The following FGFR3 variants were observed in gnomAD, a reference collection of about 807,000 sequenced individuals.
The protein encoded by FGFR3 is FGFR-3.
Under a neutral mutation model 82.9 loss-of-function variants are expected in FGFR3, and 25 were observed. The ratio of observed to expected loss-of-function variants is 0.30; its 90% CI spans 0.22 to 0.42. FGFR3 has a LOEUF of 0.42. Ranked by LOEUF, FGFR3 falls within the 10% of genes least tolerant of loss-of-function variation. FGFR3 has a pLI of 1.00. For missense variants in FGFR3, 1,026 were observed against 1,161.0 expected, an observed-to-expected ratio of 0.88 and a Z score of 1.69; for synonymous variants, 620 against 516.0, an observed-to-expected ratio of 1.20 and a Z score of -2.73.
chr4:1,807,151 C>A lies in FGFR3; in HGVS notation c.2310C>A (p.Tyr770Ter). 6.3e-7 allele frequency: 1 copy of A among 1,598,588 alleles called. No individual in the cohort carries two copies. Among genetic ancestry groups the A allele is most frequent in the Non-Finnish European group, 8.5e-7 (1 of 1,173,296 alleles). Residue 770 changes from tyrosine to a stop codon, truncating the protein, a stop_gained, in exon 18 of 18, where the codon TAC becomes TAA. Transcript: ENST00000440486. LOFTEE classifies it low-confidence loss of function (END_TRUNC). ...YLDLSAPFEQ[Y>*]SPGGQDTPSS... ...ACCTGTCGGCGCCTTTCGAGCAGTA[C>A]TCCCCGGGTGGCCAGGACACCCCCA...
At chr4:1,795,578 C>G (rs927445388) in intron 2 of FGFR3, among the ~76,000 whole-genome samples, 1 of 152,218 alleles carries the variant, frequency 6.6e-6, no homozygotes, top group African/African-American at 2.4e-5. Flanking sequence ...TCTAGGCTGG[C>G]GCTTGCCCGG....
At chr4:1,798,669 G>A (rs1440608319) in intron 2 of FGFR3, among the ~76,000 whole-genome samples, 2 of 152,080 alleles carry the variant, frequency 1.3e-5, no homozygotes, top group African/African-American at 4.8e-5. Context: ...TTCCCTGGCT[G>A]TCCATCTGAA....
intron 3 of FGFR3, 69 bp from the exon 4 acceptor site, chr4:1,799,678 T>C: frequency 1.3e-6 from 2 of 1,592,048 alleles, no homozygotes; most frequent in Non-Finnish European, 1.7e-6. Flanking sequence ...CCCTGCCCCA[T>C]CTGGGAGGGG....
chr4:1,797,386 G>A (rs1002780924), intron 2 of FGFR3, among the ~76,000 whole-genome samples: 10 of 152,256 alleles, frequency 6.6e-5, no homozygotes, highest in Admixed American at 1.3e-4. Context: ...TAGCAGGCAG[G>A]CAGTGGGGGG....
rs777159230 is a variant in FGFR3, at chr4:1,806,935, G to T, written c.2274+1G>T. ...TGTCCTTACCGTGACGTCCACCGACGTGAGTGCTGGCTCTGGCCTGGTGCC... is the reference window on the plus strand; with the variant it reads ...TGTCCTTACCGTGACGTCCACCGACTTGAGTGCTGGCTCTGGCCTGGTGCC... On this transcript the variant is annotated splice_donor_variant, in intron 17 of 17. Transcript: ENST00000440486. LOFTEE classifies it high-confidence loss of function. The T allele has an allele frequency of 3.1e-6, 5 of 1,599,908 alleles. No homozygotes were observed. Among genetic ancestry groups the T allele is most frequent in the Non-Finnish European group, 4.3e-6 (5 of 1,173,586 alleles).
At chr4:1,800,347 C>T (rs983990490) in intron 4 of FGFR3, among the ~76,000 whole-genome samples, 1 of 151,366 alleles carries the variant, frequency 6.6e-6, no homozygotes, top group Non-Finnish European at 1.5e-5. Context: ...TGGACTTTGC[C>T]AAGTTGTAGG....
In FGFR3 at chr4:1,806,530, T is replaced by C. The variant is rs1253341483; in HGVS notation, c.2031-16T>C. ...CTGGGAGTCTCAGGACAGCCTGACC[T>C]CACCTTCCCCTGCAGCTGGTCCTTT... is the stretch of plus-strand genomic sequence containing the variant. On this transcript the variant is annotated splice_polypyrimidine_tract_variant and intron_variant, in intron 15 of 17. Coordinates refer to ENST00000440486, the MANE Select transcript of FGFR3 (RefSeq NM_000142.5). 6.2e-7 allele frequency: 1 copy of C among 1,612,730 alleles called. No homozygotes were observed. Among genetic ancestry groups the C allele is most frequent in the South Asian group, 1.1e-5 (1 of 91,088 alleles).
intron 7 of FGFR3, among the ~76,000 whole-genome samples, chr4:1,803,433 G>A (rs868176426): frequency 1.1e-4 from 16 of 152,216 alleles, no homozygotes; most frequent in African/African-American, 1.7e-4. Context: ...CCGGCTCTGC[G>A]CTAACCCGCA....
At chr4:1,804,554 C>T (rs781490415) in intron 9 of FGFR3, 34 bp downstream of exon 9, 15 of 1,608,478 alleles carry the variant, frequency 9.3e-6, no homozygotes, top group Admixed American at 3.3e-5. Flanking sequence ...TCTGAGCTGC[C>T]TGCCCGCCAG....
Position 1,793,349 on chromosome 4 carries a change from G to C in FGFR3, c.-219G>C, listed in dbSNP as rs17880408. Reference sequence around the variant, plus strand: ...TGGCGCCGCGCGGTCCTGCTCTGCCGGTCGCACGGACGCACCGGCGGGCCG... The same window carrying C: ...TGGCGCCGCGCGGTCCTGCTCTGCCCGTCGCACGGACGCACCGGCGGGCCG... On this transcript the variant is annotated 5_prime_UTR_variant, in exon 1 of 18. Coordinates refer to ENST00000440486, the MANE Select transcript of FGFR3 (RefSeq NM_000142.5). The C allele has an allele frequency of 0.018, 2,723 of 148,156 alleles. 48 individuals carry two copies. The highest frequency in any genetic ancestry group is 0.031 in the Middle Eastern group (9 of 288). The allele number at this position is 148,156 out of a possible 1,614,324, so 9.2% of individuals were successfully genotyped here. A position where few individuals can be genotyped will look rare whatever the true frequency, so the allele number is the denominator to read the frequency against.
chr4:1,801,902 C>T lies in FGFR3; in HGVS notation c.807C>T (p.Ser269=), dbSNP rs199614237. The change falls in exon 7 of 18, where the codon AGC becomes AGT. Residue 269 remains serine (S), a synonymous_variant. Coordinates refer to ENST00000440486, the MANE Select transcript of FGFR3 (RefSeq NM_000142.5). Reference sequence around the variant, plus strand: ...CCAACCAGACGGCGGTGCTGGGCAGCGACGTGGAGTTCCACTGCAAGGTGT... The same window carrying T: ...CCAACCAGACGGCGGTGCTGGGCAGTGACGTGGAGTTCCACTGCAAGGTGT... ...LPANQTAVLG[S]DVEFHCKVYS... is the part of the protein sequence containing the mutation. 2.6e-4 allele frequency: 414 copies of T among 1,611,918 alleles called. No homozygotes were observed. The highest frequency in any genetic ancestry group is 3.3e-4 in the Non-Finnish European group (387 of 1,179,508).
At chr4:1,799,883 CAGGCAGCTGAGGGACTA>C in intron 4 of FGFR3, 71 bp downstream of exon 4, 1 of 1,559,134 alleles carries the variant, frequency 6.4e-7, no homozygotes, top group Non-Finnish European at 8.8e-7. Flanking sequence ...CTGCCCTTCA[CAGGCAGCTGAGGGACTA>C]AGGCCCCGGA....
intron 8 of FGFR3, among the ~76,000 whole-genome samples, 161 bp from the exon 9 acceptor site, chr4:1,804,169 C>A (rs1226338797): frequency 6.6e-6 from 1 of 152,208 alleles, no homozygotes; most frequent in Non-Finnish European, 1.5e-5. Flanking sequence ...CCTCTAGACT[C>A]ACTGGCGTTA....
chr4:1,805,190 G>A (rs1721728874), intron 10 of FGFR3, among the ~76,000 whole-genome samples, 165 bp from the exon 11 acceptor site: 1 of 152,262 alleles, frequency 6.6e-6, no homozygotes, highest in Non-Finnish European at 1.5e-5. Flanking sequence ...GGAGGCTGTG[G>A]GTGACACTCT....
chr4:1,803,113 G>A, intron 7 of FGFR3: 1 of 1,489,146 alleles, frequency 6.7e-7, no homozygotes, highest in Non-Finnish European at 8.9e-7. Flanking sequence ...CAGCTCCAAG[G>A]CCCTGGCCGC....
In FGFR3 at chr4:1,801,805, G is replaced by T. The variant is rs779655576; in HGVS notation, c.740-30G>T. 1.9e-6 allele frequency: 3 copies of T among 1,599,642 alleles called. No homozygotes were observed. The South Asian group carries it at 3.3e-5, about 18-fold the overall frequency. On this transcript the variant is annotated intron_variant, in intron 6 of 17. Coordinates refer to ENST00000440486, the MANE Select transcript of FGFR3 (RefSeq NM_000142.5). ...AGTGGCGGTGGTGGTGAGGGAGGGGGTGGCCCCTGAGCGTCATCTGCCCCC... is the reference window on the plus strand; with the variant it reads ...AGTGGCGGTGGTGGTGAGGGAGGGGTTGGCCCCTGAGCGTCATCTGCCCCC...
intron 4 of FGFR3, among the ~76,000 whole-genome samples, chr4:1,800,622 C>T (rs911449487): frequency 2.6e-5 from 4 of 152,130 alleles, no homozygotes; most frequent in Non-Finnish European, 5.9e-5. Flanking sequence ...CCTGTGTCCA[C>T]ACTGCTGCTT....
chr4:1,801,786 G>A (rs775282702), intron 6 of FGFR3, 43 bp downstream of exon 6: 101 of 1,591,898 alleles, frequency 6.3e-5, no homozygotes, highest in African/African-American at 3.2e-4. Context: ...CGGCAGTGGC[G>A]GTGGTGGTGA....
In FGFR3 at chr4:1,799,743, G is replaced by A. The variant is rs373008818; in HGVS notation, c.380-4G>A. 8.1e-6 allele frequency: 13 copies of A among 1,612,812 alleles called. No homozygotes were observed. In the African/African-American group the frequency reaches 1.5e-4, roughly 18 times the overall value. On this transcript the variant is annotated splice_region_variant and splice_polypyrimidine_tract_variant and intron_variant, in intron 3 of 17. Coordinates refer to ENST00000440486, the MANE Select transcript of FGFR3 (RefSeq NM_000142.5). ...CATTGGTTGCGGCCATCTCTGCCTT[G>A]CAGACGCTCCATCCTCGGGAGATGA...
Sources: allele counts gnomAD v4.1 joint callset (sites outside exome capture counted in the v4.1 genomes callset), GRCh38; gene constraint gnomAD v4.1.1; transcripts MANE v1.5; gene names NCBI Gene and HGNC (gene_info 2026-07-23, HGNC 2026-07-21).